HPSE2: variants seen among roughly 807,000 people sequenced by gnomAD.
HPSE2 encodes heparanase 2 (inactive).
HPSE2 carries 38 observed loss-of-function variants against 60.5 expected under a neutral mutation model. That is an observed-to-expected ratio of 0.63 (90% CI 0.48 to 0.82). The LOEUF (loss-of-function observed/expected upper bound fraction) is 0.82, where lower values mean the gene tolerates loss of function less well. Ranked by LOEUF, HPSE2 falls within the 40% of genes least tolerant of loss-of-function variation. The probability of loss-of-function intolerance (pLI) is 0.00; values close to 1 mark genes in which losing one functional copy is unlikely to be tolerated. For synonymous variants in HPSE2, 295 were observed against 293.2 expected (o/e 1.01, Z -0.06); for missense variants, 713 against 740.4 (o/e 0.96, Z 0.43).
At chr10:98,759,983 T>A (rs1337536314) in intron 3 of HPSE2, among the ~76,000 whole-genome samples, 1 of 152,052 alleles carries the variant, frequency 6.6e-6, no homozygotes, top group Non-Finnish European at 1.5e-5. Context: ...TTATAGTTTT[T>A]AGTATGCAAA....
At chr10:98,727,272 T>C (rs1259619290) in intron 4 of HPSE2, among the ~76,000 whole-genome samples, 1 of 152,120 alleles carries the variant, frequency 6.6e-6, no homozygotes, top group African/African-American at 2.4e-5. Flanking sequence ...GTTTGACTCA[T>C]ACCAGCAAAA....
At chr10:99,265,432 T>C in the HPSE2 span, among the ~76,000 whole-genome samples, 1 of 152,108 alleles carries the variant, frequency 6.6e-6, no homozygotes, top group Admixed American at 6.5e-5. Context: ...TTGGGGCCTG[T>C]CGGGTGGCTT....
chr10:98,551,147 G>A lies in HPSE2; in HGVS notation c.1321-60951C>T, dbSNP rs75552504. Among the ~76,000 whole-genome samples the A allele has an allele frequency of 5.2e-4, 79 of 152,252 alleles. 1 individual carries two copies. In the East Asian group the frequency reaches 0.015, roughly 28 times the overall value. ...AGTGGTATGCAGGGGTCAGTTCACC[G>A]CAGGCTGTGAGCGTTGTTGGGAAGC... On this transcript the variant is annotated intron_variant, in intron 9 of 11. Transcript: ENST00000370552.
At chr10:99,200,000 CCTT>C (rs1463348087) in intron 2 of HPSE2, among the ~76,000 whole-genome samples, 8 of 152,042 alleles carry the variant, frequency 5.3e-5, no homozygotes, top group East Asian at 3.8e-4. Context: ...TCTTTCACCT[CCTT>C]AAGTTTATTC....
intron 3 of HPSE2, among the ~76,000 whole-genome samples, chr10:99,037,761 G>C (rs577637154): frequency 6.6e-6 from 1 of 151,836 alleles, no homozygotes; most frequent in African/African-American, 2.4e-5. Flanking sequence ...TGCCTATTAG[G>C]TTAAAAAATA....
intron 3 of HPSE2, among the ~76,000 whole-genome samples, chr10:99,119,529 T>C (rs903904621): frequency 1.4e-4 from 22 of 152,336 alleles, no homozygotes; most frequent in African/African-American, 5.1e-4. Context: ...AAGCAATTTA[T>C]AGATTCAATA....
chr10:98,802,763 T>C (rs1449890930), intron 3 of HPSE2, among the ~76,000 whole-genome samples: 1 of 144,848 alleles, frequency 6.9e-6, no homozygotes, highest in Non-Finnish European at 1.5e-5. Context: ...CTATTGTGAA[T>C]AGTGCCACAA....
At chr10:98,760,938 A>T (rs1482217190) in intron 3 of HPSE2, among the ~76,000 whole-genome samples, 1 of 152,098 alleles carries the variant, frequency 6.6e-6, no homozygotes, top group Non-Finnish European at 1.5e-5. Flanking sequence ...TTGTGAATCC[A>T]TCTGGTCCTG....
chr10:98,611,416 T>A (rs906540393), intron 9 of HPSE2, among the ~76,000 whole-genome samples: 1 of 152,142 alleles, frequency 6.6e-6, no homozygotes, highest in Non-Finnish European at 1.5e-5. Flanking sequence ...TGAAGAGCCA[T>A]AAGGCCAGGA....
chr10:98,768,896 C>A (rs1239557977), intron 3 of HPSE2, among the ~76,000 whole-genome samples: 1 of 152,024 alleles, frequency 6.6e-6, no homozygotes, highest in African/African-American at 2.4e-5. Flanking sequence ...GCTAAAAATA[C>A]AAAAATTAGC....
At chr10:98,528,496 C>CT (rs1429056703) in intron 9 of HPSE2, among the ~76,000 whole-genome samples, 1 of 152,154 alleles carries the variant, frequency 6.6e-6, no homozygotes, top group Admixed American at 6.6e-5. Flanking sequence ...ATGGATGATG[C>CT]TTTGATCAAC....
At chr10:98,915,976 T>G (rs1022534649) in intron 3 of HPSE2, among the ~76,000 whole-genome samples, 1 of 152,162 alleles carries the variant, frequency 6.6e-6, no homozygotes, top group African/African-American at 2.4e-5. Flanking sequence ...CACATAGGAT[T>G]CACAACATTC....
intron 9 of HPSE2, among the ~76,000 whole-genome samples, chr10:98,540,649 A>G (rs936173687): frequency 6.6e-6 from 1 of 152,256 alleles, no homozygotes; most frequent in African/African-American, 2.4e-5. Context: ...AACTCCTTCA[A>G]AAGTACATAA....
At chr10:98,595,958 T>C (rs1021282535) in intron 9 of HPSE2, among the ~76,000 whole-genome samples, 4 of 152,228 alleles carry the variant, frequency 2.6e-5, no homozygotes, top group African/African-American at 9.6e-5. Flanking sequence ...ATTGAAATGA[T>C]TATATGTTTT....
At position 98,788,950 on chromosome 10, in the gene HPSE2, C is replaced by T. The variant is rs570391899; in HGVS notation, c.611-44894G>A. Among the ~76,000 whole-genome samples the T allele has an allele frequency of 4.4e-3, 673 of 152,296 alleles. 4 individuals are homozygous for T. Among genetic ancestry groups the T allele is most frequent in the African/African-American group, 0.015 (636 of 41,558 alleles). On this transcript the variant is annotated intron_variant, in intron 3 of 11. Coordinates refer to ENST00000370552, the MANE Select transcript of HPSE2 (RefSeq NM_021828.5). ...GCTGTAGACCGGAGCTGTTCCTATT[C>T]GGCCATCTTGGCTCCTCCTCCTATA...
At chr10:98,621,284 C>G (rs1946067153) in intron 7 of HPSE2, among the ~76,000 whole-genome samples, 1 of 152,006 alleles carries the variant, frequency 6.6e-6, no homozygotes, top group Non-Finnish European at 1.5e-5. Context: ...GCATCCCACA[C>G]AGGGAATAAT....
chr10:98,977,059 C>A (rs1956102076), intron 3 of HPSE2, among the ~76,000 whole-genome samples: 2 of 152,176 alleles, frequency 1.3e-5, no homozygotes, highest in African/African-American at 4.8e-5. Flanking sequence ...AAGCCTGGAC[C>A]TGCTGACACC....
chr10:99,096,033 C>T (rs1843706882), intron 3 of HPSE2, among the ~76,000 whole-genome samples: 2 of 152,102 alleles, frequency 1.3e-5, no homozygotes, highest in Non-Finnish European at 2.9e-5. Flanking sequence ...AAAATTAATA[C>T]CACCCATAAT....
intron 2 of HPSE2, among the ~76,000 whole-genome samples, chr10:99,147,119 C>T (rs759477431): frequency 4.6e-5 from 7 of 152,126 alleles, no homozygotes; most frequent in African/African-American, 7.2e-5. Flanking sequence ...ATCTTAAATA[C>T]GACGAAACTG....
Sources: allele counts gnomAD v4.1 joint callset (sites outside exome capture counted in the v4.1 genomes callset), GRCh38; gene constraint gnomAD v4.1.1; transcripts MANE v1.5; gene names NCBI Gene and HGNC (gene_info 2026-07-23, HGNC 2026-07-21).